The following PBLD variants were observed in gnomAD, a reference collection of about 807,000 sequenced individuals.
The protein encoded by PBLD is phenazine biosynthesis like protein domain containing, also known as phenazine biosynthesis-like domain-containing protein.
PBLD carries 26 observed loss-of-function variants against 31.3 expected under a neutral mutation model. The ratio of observed to expected loss-of-function variants is 0.83; its 90% CI spans 0.61 to 1.15. The LOEUF (loss-of-function observed/expected upper bound fraction) is 1.15. PBLD is among the 50% of genes most tolerant of loss of function. The pLI is 0.00. For missense variants in PBLD, 307 were observed against 351.7 expected, an observed-to-expected ratio of 0.87 and a Z score of 1.02; for synonymous variants, 114 against 129.0, an observed-to-expected ratio of 0.88 and a Z score of 0.79.
At chr10:68,331,834 C>G (rs1449634814) in intron 1 of PBLD, 1 of 152,548 alleles carries the variant, frequency 6.6e-6, no homozygotes, top group Middle Eastern at 3.4e-3. Flanking sequence ...CTGGATGGTT[C>G]TAACGTAAGC....
At chr10:68,328,063 A>C (rs2044951715) in intron 1 of PBLD, among the ~76,000 whole-genome samples, 2 of 152,226 alleles carry the variant, frequency 1.3e-5, no homozygotes, top group African/African-American at 4.8e-5. Context: ...TGTGTAATTC[A>C]GTCTTGTCTT....
In PBLD at chr10:68,283,743, TTG is replaced by T. The variant is rs59647934; in HGVS notation, c.*432_*433del. 0.26 allele frequency: 38,980 copies of T among 151,756 alleles called. 5,337 individuals are homozygous for T. Among genetic ancestry groups the T allele is most frequent in the East Asian group, 0.33 (1,681 of 5,112 alleles). 9.4% of individuals were successfully genotyped at this position (151,756 alleles called of 1,614,324 possible). A position where few individuals can be genotyped will look rare whatever the true frequency, so the allele number is the denominator to read the frequency against. On this transcript the variant is annotated 3_prime_UTR_variant, in exon 10 of 10. Coordinates refer to ENST00000358769, the MANE Select transcript of PBLD (RefSeq NM_022129.4). ...ATTAAAATGTCTTCACTTTTCAATT[TTG>T]TGTGTGTGTGTGTGTGTGTGGATGG...
intron 2 of PBLD, among the ~76,000 whole-genome samples, chr10:68,299,955 G>A (rs2134456452): frequency 6.6e-6 from 1 of 152,056 alleles, no homozygotes; most frequent in Non-Finnish European, 1.5e-5. Flanking sequence ...CAGTGGCACT[G>A]TCTCAGCTCA....
chr10:68,328,989 G>T lies in PBLD; in HGVS notation c.-60+3795C>A, dbSNP rs2044969787. Among the ~76,000 whole-genome samples, 2 of 152,112 alleles carry T rather than the reference G, an allele frequency of 1.3e-5. 1 individual carries two copies. Among genetic ancestry groups the T allele is most frequent in the South Asian group, 4.1e-4 (2 of 4,830 alleles). On this transcript the variant is annotated intron_variant, in intron 1 of 9. Coordinates refer to ENST00000358769, the MANE Select transcript of PBLD (RefSeq NM_022129.4). ...GCCCCACCAGGTTCAAGCAATTCTT[G>T]TGCCTCAGCCTCCCAAGTGACTGAG... is the stretch of plus-strand genomic sequence containing the variant.
At chr10:68,327,250 T>C (rs2044936289) in intron 1 of PBLD, among the ~76,000 whole-genome samples, 1 of 152,196 alleles carries the variant, frequency 6.6e-6, no homozygotes, top group Non-Finnish European at 1.5e-5. Flanking sequence ...AAACAGTAAC[T>C]TTGCAAGACT....
At chr10:68,292,699 G>A (rs998300766) in intron 4 of PBLD, among the ~76,000 whole-genome samples, 1 of 151,726 alleles carries the variant, frequency 6.6e-6, no homozygotes, top group Admixed American at 6.6e-5. Context: ...TAGTAGAGAC[G>A]AGGTTTTATC....
chr10:68,296,767 G>C, intron 3 of PBLD, 119 bp downstream of exon 3: 1 of 864,120 alleles, frequency 1.2e-6, no homozygotes, highest in East Asian at 2.5e-5. Context: ...ACTTCGGGAG[G>C]CTGAGGCACA....
chr10:68,293,618 C>A (rs562244288), intron 4 of PBLD, among the ~76,000 whole-genome samples: 1 of 152,294 alleles, frequency 6.6e-6, no homozygotes, highest in East Asian at 1.9e-4. Context: ...CATACCTTAT[C>A]TTATCTAACC....
At chr10:68,292,373 C>T (rs2044371438) in intron 4 of PBLD, 135 bp from the exon 5 acceptor site, 2 of 715,806 alleles carry the variant, frequency 2.8e-6, no homozygotes, top group Admixed American at 2.5e-5. Flanking sequence ...GTTTGGGTTG[C>T]TGAGGTCTAG....
chr10:68,314,033 G>A (rs557126083), intron 1 of PBLD, among the ~76,000 whole-genome samples: 1 of 152,080 alleles, frequency 6.6e-6, no homozygotes, highest in Non-Finnish European at 1.5e-5. Context: ...CTGGAATGCA[G>A]TGGCACAATC....
At chr10:68,302,749 G>A (rs1026564187) in intron 2 of PBLD, among the ~76,000 whole-genome samples, 2 of 151,794 alleles carry the variant, frequency 1.3e-5, no homozygotes, top group Non-Finnish European at 2.9e-5. Context: ...GTTGAGGCAG[G>A]CGGATAGCTT....
chr10:68,328,462 C>A (rs561384011), intron 1 of PBLD, among the ~76,000 whole-genome samples: 1 of 152,194 alleles, frequency 6.6e-6, no homozygotes, highest in African/African-American at 2.4e-5. Context: ...TACATGATCA[C>A]GTGTTTGTTG....
chr10:68,296,429 A>C, intron 3 of PBLD, 65 bp from the exon 4 acceptor site: 202 of 1,231,744 alleles, frequency 1.6e-4, no homozygotes, highest in Non-Finnish European at 2.1e-4. Flanking sequence ...CAGATTTCTC[A>C]TTTTCTTCTT....
intron 4 of PBLD, among the ~76,000 whole-genome samples, chr10:68,294,343 G>A (rs1321267283): frequency 6.6e-6 from 1 of 152,242 alleles, no homozygotes; most frequent in Non-Finnish European, 1.5e-5. Context: ...TCAGGACTGG[G>A]ACTCCATGAG....
At chr10:68,314,568 C>T (rs896754587) in intron 1 of PBLD, among the ~76,000 whole-genome samples, 1 of 151,780 alleles carries the variant, frequency 6.6e-6, no homozygotes, top group Non-Finnish European at 1.5e-5. Context: ...TCTGGTAATT[C>T]CCTGGAAGAC....
At chr10:68,292,082 A>C (rs976774044) in intron 5 of PBLD, 43 bp from the exon 6 acceptor site, 3 of 1,597,210 alleles carry the variant, frequency 1.9e-6, no homozygotes, top group Non-Finnish European at 2.6e-6. Context: ...AAAACAGGAG[A>C]GCTGTCGGTT....
At chr10:68,314,114 C>G (rs2044704806) in intron 1 of PBLD, among the ~76,000 whole-genome samples, 1 of 151,510 alleles carries the variant, frequency 6.6e-6, no homozygotes. Flanking sequence ...GTAGCTGGGA[C>G]TACAGGCGTG....
intron 1 of PBLD, among the ~76,000 whole-genome samples, chr10:68,315,189 C>G (rs771068479): frequency 6.6e-6 from 1 of 152,146 alleles, no homozygotes; most frequent in Non-Finnish European, 1.5e-5. Flanking sequence ...TTTAATAGCA[C>G]CATGGCTGTC....
intron 2 of PBLD, among the ~76,000 whole-genome samples, chr10:68,305,101 T>G (rs2044557916): frequency 6.6e-6 from 1 of 152,180 alleles, no homozygotes; most frequent in Admixed American, 6.6e-5. Flanking sequence ...GGCTCAGGCC[T>G]GTAATCCCAG....
Sources: gnomAD v4.1 joint callset for allele counts (sites outside exome capture counted in the v4.1 genomes callset) on GRCh38, gnomAD v4.1.1 for gene constraint, MANE v1.5 for transcripts, NCBI Gene and HGNC (gene_info 2026-07-23, HGNC 2026-07-21) for gene names.